AGMO: variants seen among roughly 807,000 people sequenced by gnomAD.
AGMO encodes glyceryl-ether monooxygenase.
In AGMO, 75 loss-of-function variants were observed where a neutral mutation model predicts 60.2. The ratio of observed to expected loss-of-function variants is 1.25; its 90% CI spans 1.03 to 1.51. The LOEUF (loss-of-function observed/expected upper bound fraction) is 1.51. Among genes scored for constraint, AGMO ranks in the 40% most tolerant of loss-of-function variants. The pLI is 0.00. For missense variants in AGMO, 763 were observed against 525.5 expected (o/e 1.45, Z -4.42); for synonymous variants, 261 against 177.1 (o/e 1.47, Z -3.76).
At chr7:15,285,916 C>T (rs1217612307) in intron 12 of AGMO, among the ~76,000 whole-genome samples, 1 of 151,624 alleles carries the variant, frequency 6.6e-6, no homozygotes, top group Admixed American at 6.6e-5. Flanking sequence ...CCAAGTAAAG[C>T]CAAATACTTA....
chr7:15,128,166 G>A, the AGMO span, among the ~76,000 whole-genome samples: 1 of 152,006 alleles, frequency 6.6e-6, no homozygotes, highest in African/African-American at 2.4e-5. Flanking sequence ...TCCTACTCTG[G>A]CAGACACCTT....
At chr7:15,265,461 A>T (rs545088770) in intron 12 of AGMO, among the ~76,000 whole-genome samples, 4 of 152,050 alleles carry the variant, frequency 2.6e-5, no homozygotes, top group African/African-American at 9.7e-5. Flanking sequence ...AAGAAAAAAG[A>T]ACAGAATAGA....
chr7:15,308,416 T>A (rs959970693), intron 12 of AGMO, among the ~76,000 whole-genome samples: 17 of 152,130 alleles, frequency 1.1e-4, no homozygotes, highest in African/African-American at 3.4e-4. Flanking sequence ...CCTGCCAATG[T>A]CAGATTTCAC....
intron 3 of AGMO, among the ~76,000 whole-genome samples, chr7:15,471,680 T>C (rs1006664210): frequency 1.3e-5 from 2 of 152,048 alleles, no homozygotes; most frequent in East Asian, 3.9e-4. Flanking sequence ...CATTCCAGCA[T>C]TTTTCTTAAC....
chr7:15,290,125 G>C (rs1320745784), intron 12 of AGMO, among the ~76,000 whole-genome samples: 4 of 150,966 alleles, frequency 2.6e-5, no homozygotes, highest in African/African-American at 7.3e-5. Context: ...TGCCTCCCTG[G>C]TTCCAGTGAT....
chr7:15,413,046 T>C (rs1780659644), intron 5 of AGMO, among the ~76,000 whole-genome samples: 1 of 152,210 alleles, frequency 6.6e-6, no homozygotes, highest in African/African-American at 2.4e-5. Flanking sequence ...AACCAGATAT[T>C]GGAATTAGCA....
intron 3 of AGMO, among the ~76,000 whole-genome samples, chr7:15,438,758 C>G (rs1311123399): frequency 2.6e-5 from 4 of 152,128 alleles, no homozygotes; most frequent in Non-Finnish European, 5.9e-5. Flanking sequence ...AGCAGAGTAC[C>G]CCCTGACCCA....
chr7:15,331,300 G>C (rs1781492717), intron 12 of AGMO, among the ~76,000 whole-genome samples: 1 of 152,154 alleles, frequency 6.6e-6, no homozygotes, highest in Non-Finnish European at 1.5e-5. Context: ...AAATAAAAAT[G>C]ATTATTACGG....
rs529257823 is a variant in AGMO at position 15,424,696 on chromosome 7, T to C, written c.514-6043A>G. On this transcript the variant is annotated intron_variant, in intron 4 of 12. Transcript: ENST00000342526. ...TTTAATGGACATAAACTTTGTCTTA[T>C]TAGTCATCTTTAAGTGCTGGTTGAG... is the stretch of plus-strand genomic sequence containing the variant. Among the ~76,000 whole-genome samples, 9 of 152,310 alleles carry C rather than the reference T, an allele frequency of 5.9e-5. No individual in the cohort carries two copies. The South Asian group carries it at 1.9e-3, about 32-fold the overall frequency.
At chr7:15,354,392 A>ACACACG (rs1782396495) in intron 12 of AGMO, among the ~76,000 whole-genome samples, 1 of 53,018 alleles carries the variant, frequency 1.9e-5, no homozygotes, top group Non-Finnish European at 3.1e-5. Flanking sequence ...ACGTGTGTGT[A>ACACACG]TACACGTGTG....
At chr7:15,386,473 G>C (rs372992893) in intron 9 of AGMO, among the ~76,000 whole-genome samples, 3 of 152,060 alleles carry the variant, frequency 2.0e-5, no homozygotes, top group East Asian at 3.9e-4. Flanking sequence ...ACAGCTTTTT[G>C]GAGTTGAAAT....
intron 12 of AGMO, among the ~76,000 whole-genome samples, chr7:15,216,416 G>C (rs1583298618): frequency 6.6e-6 from 1 of 151,994 alleles, no homozygotes; most frequent in East Asian, 1.9e-4. Flanking sequence ...GTAAACTGTA[G>C]ACACAAATGA....
the AGMO span, among the ~76,000 whole-genome samples, chr7:15,175,550 C>T: frequency 7.9e-5 from 12 of 151,958 alleles, no homozygotes; most frequent in Non-Finnish European, 1.3e-4. Flanking sequence ...TTTATTCTCT[C>T]TCTCCTATCT....
At chr7:15,138,797 A>G in the AGMO span, among the ~76,000 whole-genome samples, 2 of 152,056 alleles carry the variant, frequency 1.3e-5, no homozygotes, top group Non-Finnish European at 2.9e-5. Context: ...ACATAATAAA[A>G]TAAATGTAAT....
intron 8 of AGMO, among the ~76,000 whole-genome samples, 188 bp downstream of exon 8, chr7:15,390,483 T>C (rs1784091366): frequency 6.6e-6 from 1 of 152,236 alleles, no homozygotes; most frequent in South Asian, 2.1e-4. Context: ...TGTTTTAAAA[T>C]GTATTTTGCC....
intron 5 of AGMO, among the ~76,000 whole-genome samples, chr7:15,401,962 G>C (rs1185291955): frequency 2.6e-5 from 4 of 152,048 alleles, no homozygotes; most frequent in African/African-American, 9.7e-5. Context: ...ACAGCGTCAT[G>C]CATGAATGAT....
intron 12 of AGMO, among the ~76,000 whole-genome samples, chr7:15,248,178 C>CTATATA: frequency 4.3e-5 from 1 of 23,214 alleles, no homozygotes; most frequent in Admixed American, 7.8e-4. Flanking sequence ...TGATCCAGCA[C>CTATATA]CATATATATA....
At chr7:15,255,983 T>C (rs904699652) in intron 12 of AGMO, among the ~76,000 whole-genome samples, 2 of 152,112 alleles carry the variant, frequency 1.3e-5, no homozygotes, top group African/African-American at 2.4e-5. Flanking sequence ...GAGGTGAAGA[T>C]AATGAAAAGA....
At chr7:15,181,525 C>T in the AGMO span, among the ~76,000 whole-genome samples, 1 of 152,128 alleles carries the variant, frequency 6.6e-6, no homozygotes, top group African/African-American at 2.4e-5. Flanking sequence ...TATTCTACTC[C>T]TATTCTATTT....
Sources: gnomAD v4.1 joint callset for allele counts (sites outside exome capture counted in the v4.1 genomes callset) on GRCh38, gnomAD v4.1.1 for gene constraint, MANE v1.5 for transcripts, NCBI Gene and HGNC (gene_info 2026-07-23, HGNC 2026-07-21) for gene names.